Variants in NR2C1 observed in about 807,000 individuals in gnomAD.
NR2C1 encodes the protein TR2 nuclear hormone receptor.
NR2C1 carries 33 observed loss-of-function variants against 74.8 expected under a neutral mutation model. The ratio of observed to expected loss-of-function variants is 0.44; its 90% CI spans 0.33 to 0.59. The LOEUF is 0.59. NR2C1 is among the 20% of genes least tolerant of loss of function. The pLI, the probability that NR2C1 is intolerant of heterozygous loss-of-function variation, is 0.02. For missense variants in NR2C1, 568 were observed against 715.6 expected (o/e 0.79, Z 2.35); for synonymous variants, 225 against 240.6 (o/e 0.94, Z 0.60).
intron 9 of NR2C1, among the ~76,000 whole-genome samples, chr12:95,045,190 A>G (rs1375001113): frequency 6.6e-6 from 1 of 152,206 alleles, no homozygotes; most frequent in Non-Finnish European, 1.5e-5. Flanking sequence ...AGTAAGTGCT[A>G]TTGTCTCAGT....
At chr12:95,023,557 G>A (rs1869007316) in intron 13 of NR2C1, among the ~76,000 whole-genome samples, 1 of 152,102 alleles carries the variant, frequency 6.6e-6, no homozygotes. Context: ...AGACCGCTGG[G>A]TTCAAATCTT....
chr12:95,029,841 G>A (rs1869841765), intron 11 of NR2C1, among the ~76,000 whole-genome samples: 1 of 152,106 alleles, frequency 6.6e-6, no homozygotes, highest in Non-Finnish European at 1.5e-5. Context: ...ACAGGCGTGA[G>A]CTACCGCGCC....
chr12:95,066,458 T>C (rs1875720309), intron 2 of NR2C1, among the ~76,000 whole-genome samples: 1 of 152,226 alleles, frequency 6.6e-6, no homozygotes, highest in African/African-American at 2.4e-5. Context: ...GTATATATGT[T>C]AAAGAAAATT....
At chr12:95,028,102 A>G in intron 12 of NR2C1, 1 of 233,566 alleles carries the variant, frequency 4.3e-6, no homozygotes, top group Non-Finnish European at 8.2e-6. Context: ...TCATCTGTTG[A>G]CCGACATTTG....
chr12:95,045,050 A>G (rs1028714178), intron 9 of NR2C1, among the ~76,000 whole-genome samples: 2 of 152,168 alleles, frequency 1.3e-5, no homozygotes, highest in Non-Finnish European at 2.9e-5. Context: ...CACAAATAGA[A>G]AAAAATCATT....
At chr12:95,072,762 G>A (rs1465220706) in intron 1 of NR2C1, 1 of 152,254 alleles carries the variant, frequency 6.6e-6, no homozygotes, top group Non-Finnish European at 1.5e-5. Flanking sequence ...CCCCTGCAGT[G>A]AGAACCCTGG....
At chr12:95,024,760 C>T (rs377556487) in intron 13 of NR2C1, among the ~76,000 whole-genome samples, 5 of 152,208 alleles carry the variant, frequency 3.3e-5, no homozygotes, top group East Asian at 3.9e-4. Flanking sequence ...TTTGTAGAAA[C>T]AGGGTTTCAC....
rs1235607872 is a variant in NR2C1, at chr12:95,040,605, G to A, written c.1132-8C>T. On this transcript the variant is annotated splice_polypyrimidine_tract_variant and splice_region_variant and intron_variant, in intron 9 of 13. Transcript: ENST00000333003. ...AGGAGAAGGCATGGTGAGCTAGTAT[G>A]AACAGGGATTTAGGTAAATTATCTT... 3.1e-6 allele frequency: 5 copies of A among 1,594,126 alleles called. No individual in the cohort carries two copies. The Admixed American group carries it at 8.9e-5, about 28-fold the overall frequency.
intron 8 of NR2C1, among the ~76,000 whole-genome samples, chr12:95,051,325 G>A (rs1467144227): frequency 6.6e-6 from 1 of 152,110 alleles, no homozygotes; most frequent in Non-Finnish European, 1.5e-5. Flanking sequence ...GATCCTCCCA[G>A]CTGAGATAAA....
chr12:95,036,573 T>C (rs1281970454), intron 10 of NR2C1, among the ~76,000 whole-genome samples: 1 of 151,580 alleles, frequency 6.6e-6, no homozygotes, highest in African/African-American at 2.4e-5. Flanking sequence ...TACAGTGGCA[T>C]GATCTCAGCT....
Position 95,029,108 on chromosome 12 carries a change from G to T in NR2C1, c.1394-584C>A, listed in dbSNP as rs114423716. 7.1e-3 allele frequency among the ~76,000 whole-genome samples: 1,074 copies of T among 152,238 alleles called. 15 individuals carry two copies. Among genetic ancestry groups the T allele is most frequent in the African/African-American group, 0.025 (1,020 of 41,534 alleles). On this transcript the variant is annotated intron_variant, in intron 11 of 13. Transcript: ENST00000333003. Reference sequence around the variant, plus strand: ...TTATATTTATTTTTCTTGAGACAGGGTCTCGCTCTGTTGCCCAAGGCTGGA... The same window carrying T: ...TTATATTTATTTTTCTTGAGACAGGTTCTCGCTCTGTTGCCCAAGGCTGGA...
intron 10 of NR2C1, among the ~76,000 whole-genome samples, chr12:95,037,457 A>G (rs1870983862): frequency 6.6e-6 from 1 of 152,206 alleles, no homozygotes; most frequent in Admixed American, 6.5e-5. Flanking sequence ...CTAACCATGC[A>G]CTGTTTAGTA....
chr12:95,034,587 T>C (rs1401263161), intron 10 of NR2C1, among the ~76,000 whole-genome samples: 1 of 152,208 alleles, frequency 6.6e-6, no homozygotes, highest in Non-Finnish European at 1.5e-5. Context: ...TCTAAGAAAC[T>C]ATGTTATAGA....
chr12:95,060,707 T>C (rs1874668625), intron 3 of NR2C1, among the ~76,000 whole-genome samples: 1 of 152,154 alleles, frequency 6.6e-6, no homozygotes, highest in South Asian at 2.1e-4. Flanking sequence ...TTCCTTTAGG[T>C]TTATCTTTCA....
intron 9 of NR2C1, among the ~76,000 whole-genome samples, chr12:95,046,882 C>G (rs1872384514): frequency 6.6e-6 from 1 of 152,068 alleles, no homozygotes; most frequent in Non-Finnish European, 1.5e-5. Flanking sequence ...CTGTAAGACT[C>G]CGAGAAAGAT....
intron 11 of NR2C1, chr12:95,030,681 A>C (rs756662267): frequency 1.0e-4 from 168 of 1,604,732 alleles, no homozygotes; most frequent in Non-Finnish European, 1.4e-4. Flanking sequence ...TAAAACAATA[A>C]GAAATAGAAT....
intron 1 of NR2C1, among the ~76,000 whole-genome samples, chr12:95,068,447 A>G (rs561463782): frequency 6.6e-6 from 1 of 152,316 alleles, no homozygotes; most frequent in South Asian, 2.1e-4. Flanking sequence ...AATAAGGAAC[A>G]TGCAAGATCT....
chr12:95,042,219 C>CTTTTT (rs1212588554), intron 9 of NR2C1, among the ~76,000 whole-genome samples: 3 of 125,880 alleles, frequency 2.4e-5, no homozygotes, highest in Non-Finnish European at 5.0e-5. Flanking sequence ...TCAAAGGTAT[C>CTTTTT]TTTTTTTTTT....
At chr12:95,070,626 T>C (rs1876462018) in intron 1 of NR2C1, among the ~76,000 whole-genome samples, 1 of 152,220 alleles carries the variant, frequency 6.6e-6, no homozygotes, top group Non-Finnish European at 1.5e-5. Flanking sequence ...CAGAACGACT[T>C]ATCCTTATTC....
Sources: gnomAD v4.1 joint callset for allele counts (sites outside exome capture counted in the v4.1 genomes callset) on GRCh38, gnomAD v4.1.1 for gene constraint, MANE v1.5 for transcripts, NCBI Gene and HGNC (gene_info 2026-07-23, HGNC 2026-07-21) for gene names.